The following NR3C2 variants were observed in gnomAD, a reference collection of about 807,000 sequenced individuals.
The protein encoded by NR3C2 is nuclear receptor subfamily 3 group C member 2, also known as mineralocorticoid receptor.
NR3C2 carries 15 observed loss-of-function variants against 86.4 expected under a neutral mutation model. The observed-to-expected ratio is 0.17, with a 90% CI of 0.12 to 0.27. NR3C2 has a LOEUF of 0.27. Ranked by LOEUF, NR3C2 falls within the 10% of genes least tolerant of loss-of-function variation. The pLI is 1.00. For missense variants in NR3C2, 960 were observed against 1,195.6 expected (o/e 0.80, Z 2.91); for synonymous variants, 458 against 450.5 (o/e 1.02, Z -0.21).
intron 2 of NR3C2, among the ~76,000 whole-genome samples, chr4:148,342,478 T>C (rs994903678): frequency 5.3e-5 from 8 of 152,184 alleles, no homozygotes; most frequent in African/African-American, 1.9e-4. Flanking sequence ...CATACATGTA[T>C]TGTGATAGGT....
intron 2 of NR3C2, among the ~76,000 whole-genome samples, chr4:148,322,310 C>A (rs896381534): frequency 4.8e-5 from 7 of 146,334 alleles, no homozygotes; most frequent in Non-Finnish European, 9.0e-5. Context: ...CTGCCCTTAA[C>A]ATTTTTTCCT....
intron 2 of NR3C2, among the ~76,000 whole-genome samples, chr4:148,361,330 C>G (rs1176861038): frequency 6.6e-6 from 1 of 152,190 alleles, no homozygotes; most frequent in Non-Finnish European, 1.5e-5. Context: ...ATAAAAATCT[C>G]TAGGCTACGA....
intron 2 of NR3C2, among the ~76,000 whole-genome samples, chr4:148,362,394 T>C (rs1745882339): frequency 6.6e-6 from 1 of 152,236 alleles, no homozygotes; most frequent in Non-Finnish European, 1.5e-5. Context: ...GATCACTATA[T>C]GTGTATTACA....
At chr4:148,158,133 A>G (rs1734488462) in intron 4 of NR3C2, among the ~76,000 whole-genome samples, 1 of 152,242 alleles carries the variant, frequency 6.6e-6, no homozygotes, top group African/African-American at 2.4e-5. Flanking sequence ...ATGTTAATGG[A>G]AGATGCTGAC....
At position 148,258,386 on chromosome 4, in the gene NR3C2, T is replaced by G. The variant is rs140294862; in HGVS notation, c.1897+1592A>C. On this transcript the variant is annotated intron_variant, in intron 3 of 8. Coordinates refer to ENST00000358102, the MANE Select transcript of NR3C2 (RefSeq NM_000901.5). ...GAAGCCTCACAAAAGCAAACTGACT[T>G]CAGTATTGTGCAAATTTATTTTTCC... Among the ~76,000 whole-genome samples, 12 of 152,292 alleles carry G rather than the reference T, an allele frequency of 7.9e-5. No homozygotes were observed. In the East Asian group the frequency reaches 2.3e-3, roughly 29 times the overall value.
chr4:148,297,040 G>A (rs1013083207), intron 2 of NR3C2, among the ~76,000 whole-genome samples: 4 of 152,120 alleles, frequency 2.6e-5, no homozygotes, highest in Non-Finnish European at 5.9e-5. Context: ...CATTTCAAGT[G>A]CTCAAGTGCC....
chr4:148,190,261 T>TAA (rs1736133581), intron 4 of NR3C2, among the ~76,000 whole-genome samples: 1 of 152,208 alleles, frequency 6.6e-6, no homozygotes, highest in Admixed American at 6.5e-5. Flanking sequence ...GTTTGAAGAA[T>TAA]TTTTAAATTG....
intron 2 of NR3C2, among the ~76,000 whole-genome samples, chr4:148,374,802 T>G (rs940806303): frequency 6.6e-5 from 10 of 152,286 alleles, no homozygotes; most frequent in African/African-American, 2.4e-4. Context: ...AGAAGCAGGC[T>G]CCCTATCTCT....
chr4:148,292,464 A>G (rs1464212635), intron 2 of NR3C2, among the ~76,000 whole-genome samples: 1 of 152,196 alleles, frequency 6.6e-6, no homozygotes, highest in African/African-American at 2.4e-5. Flanking sequence ...GATATATAAC[A>G]CATATTAAAA....
intron 4 of NR3C2, among the ~76,000 whole-genome samples, chr4:148,190,426 T>G (rs1026543355): frequency 7.2e-5 from 11 of 152,208 alleles, no homozygotes; most frequent in Admixed American, 7.2e-4. Flanking sequence ...TTTCTTAAAT[T>G]TATTGAGGCT....
chr4:148,318,893 T>G (rs903154884), intron 2 of NR3C2, among the ~76,000 whole-genome samples: 4 of 151,254 alleles, frequency 2.6e-5, no homozygotes, highest in Non-Finnish European at 4.4e-5. Context: ...AGATCCCATT[T>G]GTCAATTTTG....
At chr4:148,399,445 T>C (rs1748029376) in intron 2 of NR3C2, among the ~76,000 whole-genome samples, 1 of 151,824 alleles carries the variant, frequency 6.6e-6, no homozygotes, top group African/African-American at 2.4e-5. Context: ...AATAAGAACA[T>C]AATTTTTCAA....
intron 2 of NR3C2, among the ~76,000 whole-genome samples, chr4:148,417,649 C>A (rs1260883070): frequency 6.6e-6 from 1 of 152,222 alleles, no homozygotes; most frequent in African/African-American, 2.4e-5. Context: ...TCAAAAACAT[C>A]TCAAACACGA....
chr4:148,191,474 T>G (rs1736191956), intron 4 of NR3C2, among the ~76,000 whole-genome samples: 2 of 152,228 alleles, frequency 1.3e-5, no homozygotes, highest in Non-Finnish European at 2.9e-5. Context: ...CAATGATCTT[T>G]CTGTGATGAA....
At chr4:148,383,501 T>G (rs1747105129) in intron 2 of NR3C2, among the ~76,000 whole-genome samples, 1 of 152,210 alleles carries the variant, frequency 6.6e-6, no homozygotes, top group African/African-American at 2.4e-5. Context: ...ATACCTTTGC[T>G]GCAATTTTAT....
At chr4:148,241,757 G>A (rs1205223426) in intron 3 of NR3C2, among the ~76,000 whole-genome samples, 1 of 152,162 alleles carries the variant, frequency 6.6e-6, no homozygotes, top group African/African-American at 2.4e-5. Context: ...TGCCCCCAGT[G>A]CCAATGACAG....
At chr4:148,244,429 T>C (rs954895500) in intron 3 of NR3C2, among the ~76,000 whole-genome samples, 11 of 152,244 alleles carry the variant, frequency 7.2e-5, no homozygotes, top group Non-Finnish European at 1.3e-4. Context: ...TTTGTCAGGA[T>C]ACCAGCAATG....
intron 6 of NR3C2, among the ~76,000 whole-genome samples, chr4:148,146,095 G>A (rs948212231): frequency 2.0e-5 from 3 of 152,076 alleles, no homozygotes; most frequent in African/African-American, 7.2e-5. Flanking sequence ...GGGGAAGTGG[G>A]CTGGGGAGAG....
intron 8 of NR3C2, among the ~76,000 whole-genome samples, chr4:148,085,705 GT>G: frequency 6.6e-6 from 1 of 151,976 alleles, no homozygotes; most frequent in South Asian, 2.1e-4. Context: ...CCAGGGGCTG[GT>G]TTTTTTTGAA....
Sources: allele counts gnomAD v4.1 joint callset (sites outside exome capture counted in the v4.1 genomes callset), GRCh38; gene constraint gnomAD v4.1.1; transcripts MANE v1.5; gene names NCBI Gene and HGNC (gene_info 2026-07-23, HGNC 2026-07-21).